Variants in SMCHD1 observed in about 807,000 individuals in gnomAD.
SMCHD1 encodes structural maintenance of chromosomes flexible hinge domain-containing protein 1.
In SMCHD1, 78 loss-of-function variants were observed where a neutral mutation model predicts 254.7. That is an observed-to-expected ratio of 0.31 (90% CI 0.26 to 0.37). SMCHD1 has a LOEUF of 0.37. Ranked by LOEUF, SMCHD1 falls within the 10% of genes least tolerant of loss-of-function variation. SMCHD1 has a pLI of 1.00. For synonymous variants in SMCHD1, 766 were observed against 794.9 expected, an observed-to-expected ratio of 0.96 and a Z score of 0.61; for missense variants, 1,840 against 2,408.1, an observed-to-expected ratio of 0.76 and a Z score of 4.94.
chr18:2,677,725 C>G (rs2073785386), intron 5 of SMCHD1, among the ~76,000 whole-genome samples: 1 of 152,122 alleles, frequency 6.6e-6, no homozygotes, highest in Admixed American at 6.6e-5. Flanking sequence ...CTCTTGGGCT[C>G]AAGTGATCCT....
At chr18:2,713,130 G>A (rs766472583) in intron 17 of SMCHD1, among the ~76,000 whole-genome samples, 19 of 152,212 alleles carry the variant, frequency 1.2e-4, no homozygotes, top group Non-Finnish European at 2.1e-4. Flanking sequence ...TAAGTCTGTT[G>A]TTGTAGATGA....
At chr18:2,772,520 G>A (rs2076001639) in intron 41 of SMCHD1, 148 bp downstream of exon 41, 15 of 620,842 alleles carry the variant, frequency 2.4e-5, no homozygotes, top group Non-Finnish European at 3.6e-5. Context: ...TTGCAATAGG[G>A]ATTTGGCAGA....
chr18:2,661,285 T>A (rs1286811879), intron 1 of SMCHD1, among the ~76,000 whole-genome samples: 2 of 151,902 alleles, frequency 1.3e-5, no homozygotes, highest in East Asian at 3.9e-4. Flanking sequence ...CCATGGCACA[T>A]GTATATCTAT....
chr18:2,667,043 A>G lies in SMCHD1; in HGVS notation c.424+12A>G, dbSNP rs749152084. On this transcript the variant is annotated intron_variant, in intron 3 of 47. Transcript: ENST00000320876. The stretch of plus-strand genomic sequence containing the variant: ...ACAAAATCCTTTGCGTAAGTATCCC[A>G]TTCATACTAATTTTGATAAATTATT... The G allele has an allele frequency of 2.6e-5, 40 of 1,540,902 alleles. No individual in the cohort carries two copies. The East Asian group carries it at 9.1e-4, about 35-fold the overall frequency.
At chr18:2,663,721 A>AT (rs577543378) in intron 1 of SMCHD1, among the ~76,000 whole-genome samples, 82 of 146,478 alleles carry the variant, frequency 5.6e-4, no homozygotes, top group Non-Finnish European at 1.0e-3. Context: ...TATTCCAGGA[A>AT]TTTTTTTTTT....
At chr18:2,701,480 C>T (rs976587718) in intron 12 of SMCHD1, among the ~76,000 whole-genome samples, 2 of 152,034 alleles carry the variant, frequency 1.3e-5, no homozygotes, top group Non-Finnish European at 2.9e-5. Flanking sequence ...ATATCTAGCC[C>T]TTGACATAGT....
chr18:2,698,151 A>C, intron 10 of SMCHD1, 110 bp downstream of exon 10: 1 of 755,112 alleles, frequency 1.3e-6, no homozygotes, highest in Non-Finnish European at 2.0e-6. Flanking sequence ...TAAATATTAA[A>C]TTTTTTCTTA....
chr18:2,769,440 T>C (rs1054860129), intron 37 of SMCHD1, among the ~76,000 whole-genome samples: 5 of 152,196 alleles, frequency 3.3e-5, no homozygotes, highest in African/African-American at 1.2e-4. Flanking sequence ...TTTTATCATA[T>C]ATACTTTTCA....
chr18:2,677,806 G>C (rs1452533818), intron 5 of SMCHD1, among the ~76,000 whole-genome samples: 2 of 152,084 alleles, frequency 1.3e-5, no homozygotes, highest in Admixed American at 1.3e-4. Context: ...TTTTATAGAG[G>C]TGGAGTCTCA....
intron 39 of SMCHD1, among the ~76,000 whole-genome samples, chr18:2,770,831 G>C (rs774544216): frequency 2.0e-5 from 3 of 152,074 alleles, no homozygotes; most frequent in East Asian, 1.9e-4. Flanking sequence ...ATGTTGGCCG[G>C]GCTGGTCTCG....
At chr18:2,739,712 C>T (rs2075312778) in intron 27 of SMCHD1, among the ~76,000 whole-genome samples, 192 bp downstream of exon 27, 1 of 152,054 alleles carries the variant, frequency 6.6e-6, no homozygotes, top group Admixed American at 6.6e-5. Flanking sequence ...GCTTTAAAAT[C>T]AGTTTGACAA....
rs758729020 is a variant in SMCHD1 at position 2,732,076 on chromosome 18, G to A, written c.3049-189G>A. On this transcript the variant is annotated intron_variant, in intron 24 of 47. Coordinates refer to ENST00000320876, the MANE Select transcript of SMCHD1 (RefSeq NM_015295.3). ...CAATTGTTTTTATTTTAAGAATGTG[G>A]CCACTGCCATTTATAACCTGATGGT... is the stretch of plus-strand genomic sequence containing the variant. Among the ~76,000 whole-genome samples the A allele has an allele frequency of 4.6e-5, 7 of 152,106 alleles. No individual in the cohort carries two copies. In the East Asian group the frequency reaches 9.6e-4, roughly 21 times the overall value.
At chr18:2,776,732 A>C (rs1410806822) in intron 42 of SMCHD1, among the ~76,000 whole-genome samples, 1 of 152,052 alleles carries the variant, frequency 6.6e-6, no homozygotes, top group Non-Finnish European at 1.5e-5. Context: ...ATGTCAGTAA[A>C]CTTGTTATTT....
At chr18:2,782,025 G>A (rs966958551) in intron 44 of SMCHD1, among the ~76,000 whole-genome samples, 23 of 152,098 alleles carry the variant, frequency 1.5e-4, no homozygotes, top group African/African-American at 5.1e-4. Context: ...GCACATACGT[G>A]ACAAAAAAGG....
At chr18:2,789,130 T>C (rs1462793047) in intron 45 of SMCHD1, among the ~76,000 whole-genome samples, 1 of 152,136 alleles carries the variant, frequency 6.6e-6, no homozygotes, top group Non-Finnish European at 1.5e-5. Flanking sequence ...CAGGTGATCC[T>C]CCCACCTTAG....
intron 23 of SMCHD1, among the ~76,000 whole-genome samples, chr18:2,728,985 G>A (rs1323297778): frequency 1.4e-5 from 2 of 147,508 alleles, no homozygotes; most frequent in African/African-American, 2.5e-5. Flanking sequence ...ACTAAATGAA[G>A]GTAGGTAAAA....
Position 2,740,733 on chromosome 18 carries a change from A to T in SMCHD1, c.3545A>T (p.Gln1182Leu), listed in dbSNP as rs750897590. Reference sequence around the variant, plus strand: ...ATAATTACAGATCAGTACGGAAATCAGATTCAAGCATTTTCACCAAGTTCT... The same window carrying T: ...ATAATTACAGATCAGTACGGAAATCTGATTCAAGCATTTTCACCAAGTTCT... ...VIIITDQYGN[Q>L]IQAFSPSSLS... Residue 1182 changes from glutamine to leucine, a missense_variant, in exon 28 of 48, where the codon CAG becomes CTG. Coordinates refer to ENST00000320876, the MANE Select transcript of SMCHD1 (RefSeq NM_015295.3). The T allele has an allele frequency of 3.7e-6, 6 of 1,609,962 alleles. No homozygotes were observed. The highest frequency in any genetic ancestry group is 5.1e-6 in the Non-Finnish European group (6 of 1,177,254).
intron 47 of SMCHD1, among the ~76,000 whole-genome samples, chr18:2,798,238 CA>C (rs11419909): frequency 2.0e-5 from 3 of 151,542 alleles, no homozygotes; most frequent in Non-Finnish European, 2.9e-5. Flanking sequence ...CATCATGTTG[CA>C]AAAAAAATCT....
rs1003238008 is a variant in SMCHD1 at position 2,804,877 on chromosome 18, T to C, written c.*2325T>C. 2.0e-5 allele frequency: 3 copies of C among 152,230 alleles called. No homozygotes were observed. Among genetic ancestry groups the C allele is most frequent in the African/African-American group, 4.8e-5 (2 of 41,464 alleles). 9.4% of individuals were successfully genotyped at this position (152,230 alleles called of 1,614,324 possible). On this transcript the variant is annotated 3_prime_UTR_variant, in exon 48 of 48. Coordinates refer to ENST00000320876, the MANE Select transcript of SMCHD1 (RefSeq NM_015295.3). ...TGCTACAGCCATTTATCCTGTGTTA[T>C]GTGTTATATAATCTGAAATTTGTCA...
Sources: allele counts gnomAD v4.1 joint callset (sites outside exome capture counted in the v4.1 genomes callset), GRCh38; gene constraint gnomAD v4.1.1; transcripts MANE v1.5; gene names NCBI Gene and HGNC (gene_info 2026-07-23, HGNC 2026-07-21).